TMEM170A: variants seen among roughly 807,000 people sequenced by gnomAD.
TMEM170A encodes the protein transmembrane protein 170A.
Under a neutral mutation model 12.8 loss-of-function variants are expected in TMEM170A, and 18 were observed. The ratio of observed to expected loss-of-function variants is 1.41; its 90% confidence interval spans 0.97 to 2.09. The LOEUF is 2.09. TMEM170A is among the 30% of genes most tolerant of loss of function. The pLI, the probability that TMEM170A is intolerant of heterozygous loss-of-function variation, is 0.00. For synonymous variants in TMEM170A, 107 were observed against 76.2 expected (o/e 1.40, Z -2.11); for missense variants, 220 against 179.9 (o/e 1.22, Z -1.28).
Position 75,451,758 on chromosome 16 carries a change from G to A in TMEM170A, c.215C>T (p.Thr72Ile), listed in dbSNP as rs771745525. 30 of 1,613,996 alleles carry A rather than the reference G, an allele frequency of 1.9e-5. No individual in the cohort carries two copies. The highest frequency in any genetic ancestry group is 4.0e-5 in the African/African-American group (3 of 74,906). ...HVPAGLLALFTLRHHKYGRFM... is the reference protein window; with the variant it reads ...HVPAGLLALFILRHHKYGRFM... ...CCTACCATATTTGTGATGTCTGAGG[G>A]TGAAGAGGGCCAGTAATCCAGCAGG... is the stretch of plus-strand genomic sequence containing the variant. The change falls in exon 2 of 3, where the codon ACC becomes ATC. Residue 72 changes from threonine (T) to isoleucine (I), a missense_variant. By Grantham distance (89) the Thr-to-Ile change is moderately conservative. Coordinates refer to ENST00000561878, the MANE Select transcript of TMEM170A (RefSeq NM_145254.3).
intron 1 of TMEM170A, chr16:75,459,001 A>C (rs11149836): frequency 0.76 from 115,791 of 151,956 alleles, 44,826 homozygotes; most frequent in Middle Eastern, 0.84. Flanking sequence ...TCAAGCAATT[A>C]TTCTGCCTCA....
Position 75,451,711 on chromosome 16 carries a change from A to G in TMEM170A, c.262T>C (p.Leu88=). Residue 88 remains leucine, a synonymous_variant, in exon 2 of 3, where the codon TTG becomes CTG. Transcript: ENST00000561878. ...GTAATTGGTCCCACGATGCCCATCA[A>G]CAGGATGCTTACAGACATGAACCTA... ...YGRFMSVSIL[L]MGIVGPITAG... 2 of 1,614,212 alleles carry G rather than the reference A, an allele frequency of 1.2e-6. No individual in the cohort carries two copies. The highest frequency in any genetic ancestry group is 2.2e-5 in the South Asian group (2 of 91,086).
chr16:75,443,321 T>C lies in TMEM170A; in HGVS notation c.*4237A>G, dbSNP rs913627075. The C allele has an allele frequency of 2.0e-5, 3 of 152,230 alleles. No homozygotes were observed. 9.4% of individuals were successfully genotyped at this position (152,230 alleles called of 1,614,324 possible). Reference sequence around the variant, plus strand: ...TAGAAAAATAAAATTTAAATAATTTTCTATTGTACAAAGATTTGATCATTT... The same window carrying C: ...TAGAAAAATAAAATTTAAATAATTTCCTATTGTACAAAGATTTGATCATTT... On this transcript the variant is annotated 3_prime_UTR_variant, in exon 3 of 3. Transcript: ENST00000561878.
intron 1 of TMEM170A, among the ~76,000 whole-genome samples, chr16:75,457,701 C>G (rs1349058142): frequency 6.6e-6 from 1 of 152,196 alleles, no homozygotes; most frequent in Non-Finnish European, 1.5e-5. Flanking sequence ...GTCACCAACC[C>G]ACATCTCAAT....
At chr16:75,464,136 G>A in intron 1 of TMEM170A, 1 of 1,311,556 alleles carries the variant, frequency 7.6e-7, no homozygotes. Context: ...CAGCCTCCCG[G>A]GCTCGTGGGG....
At chr16:75,461,332 G>T (rs940009173) in intron 1 of TMEM170A, among the ~76,000 whole-genome samples, 1 of 152,164 alleles carries the variant, frequency 6.6e-6, no homozygotes, top group Non-Finnish European at 1.5e-5. Flanking sequence ...GGGATTACAG[G>T]CGTGAGCCAC....
chr16:75,457,028 T>A lies in TMEM170A; in HGVS notation c.134-5189A>T, dbSNP rs180734127. Reference sequence around the variant, plus strand: ...TATGATGGCATCAGGAATTCACTGGTCCAAAGTGGACAAATGGGATGCAAA... The same window carrying A: ...TATGATGGCATCAGGAATTCACTGGACCAAAGTGGACAAATGGGATGCAAA... On this transcript the variant is annotated intron_variant, in intron 1 of 2. Coordinates refer to ENST00000561878, the MANE Select transcript of TMEM170A (RefSeq NM_145254.3). 6.6e-3 allele frequency among the ~76,000 whole-genome samples: 1,003 copies of A among 152,310 alleles called. 11 individuals are homozygous for A. The highest frequency in any genetic ancestry group is 0.017 in the Middle Eastern group (5 of 294).
intron 1 of TMEM170A, among the ~76,000 whole-genome samples, chr16:75,456,617 T>C (rs2079802572): frequency 6.6e-6 from 1 of 152,194 alleles, no homozygotes; most frequent in Non-Finnish European, 1.5e-5. Context: ...GCAGTTTCTC[T>C]TCTAGCCGCC....
At chr16:75,459,564 T>A (rs1023251280) in intron 1 of TMEM170A, among the ~76,000 whole-genome samples, 4 of 152,042 alleles carry the variant, frequency 2.6e-5, no homozygotes, top group African/African-American at 9.7e-5. Context: ...TTAACACTCT[T>A]ATGTAGTCTT....
intron 1 of TMEM170A, among the ~76,000 whole-genome samples, chr16:75,462,514 TCA>T (rs1392245829): frequency 6.6e-6 from 1 of 152,258 alleles, no homozygotes; most frequent in Non-Finnish European, 1.5e-5. Context: ...AGGCTGACAT[TCA>T]GTGTCTCTTG....
chr16:75,453,534 G>C (rs539748409), intron 1 of TMEM170A, among the ~76,000 whole-genome samples: 107 of 152,344 alleles, frequency 7.0e-4, no homozygotes, highest in African/African-American at 2.0e-3. Flanking sequence ...ATCAATGCCT[G>C]TTGATCTTTC....
chr16:75,464,206 C>T, intron 1 of TMEM170A: 2 of 1,506,012 alleles, frequency 1.3e-6, no homozygotes, highest in Non-Finnish European at 1.8e-6. Flanking sequence ...GGGTGGCGGC[C>T]GAGCGCCCTC....
At chr16:75,453,300 A>G (rs1056681907) in intron 1 of TMEM170A, among the ~76,000 whole-genome samples, 4 of 152,108 alleles carry the variant, frequency 2.6e-5, no homozygotes, top group Admixed American at 2.6e-4. Context: ...CTGGCATGGT[A>G]TTGCATACCT....
In TMEM170A at chr16:75,443,610, A is replaced by T. The variant is rs2079535302; in HGVS notation, c.*3948T>A. 6.6e-6 allele frequency: 1 copy of T among 152,052 alleles called. No individual in the cohort carries two copies. Among genetic ancestry groups the T allele is most frequent in the Non-Finnish European group, 1.5e-5 (1 of 68,008 alleles). The allele number at this position is 152,052 out of a possible 1,614,324, so 9.4% of individuals were successfully genotyped here. A position where few individuals can be genotyped will look rare whatever the true frequency, so the allele number is the denominator to read the frequency against. ...AAGCCAAAATACAATTTAAAATCTT[A>T]AAAAAAATAAGGAACGGTTTAAAGG... On this transcript the variant is annotated 3_prime_UTR_variant, in exon 3 of 3. Coordinates refer to ENST00000561878, the MANE Select transcript of TMEM170A (RefSeq NM_145254.3).
Position 75,447,484 on chromosome 16 carries a change from A to C in TMEM170A, c.*74T>G. On this transcript the variant is annotated 3_prime_UTR_variant, in exon 3 of 3. Coordinates refer to ENST00000561878, the MANE Select transcript of TMEM170A (RefSeq NM_145254.3). ...CTTCCCTTTGAAGAACTAAGAAAAC[A>C]CTACACTCCATAATGTATTCTTTTG... The C allele has an allele frequency of 1.3e-6, 2 of 1,486,684 alleles. No individual in the cohort carries two copies. Among genetic ancestry groups the C allele is most frequent in the Non-Finnish European group, 1.8e-6 (2 of 1,116,062 alleles). The allele number at this position is 1,486,684 out of a possible 1,614,324, so 92.1% of individuals were successfully genotyped here.
intron 1 of TMEM170A, among the ~76,000 whole-genome samples, chr16:75,461,242 T>C (rs988893075): frequency 6.7e-6 from 1 of 149,012 alleles, no homozygotes; most frequent in Non-Finnish European, 1.5e-5. Context: ...TTAGTAGAGA[T>C]GGGGTGTCAC....
intron 1 of TMEM170A, chr16:75,458,863 T>C (rs1473852115): frequency 1.3e-5 from 2 of 152,202 alleles, no homozygotes; most frequent in African/African-American, 4.8e-5. Flanking sequence ...ATTTGAGGAT[T>C]TCCTTGAGGA....
chr16:75,447,780 G>A, intron 2 of TMEM170A, 92 bp from the exon 3 acceptor site: 2 of 1,350,234 alleles, frequency 1.5e-6, no homozygotes, highest in Non-Finnish European at 2.0e-6. Context: ...ACTGCGAGTA[G>A]AATGTTCCAG....
In TMEM170A at chr16:75,447,443, C is replaced by T; in HGVS notation, c.*115G>A. 6 of 1,180,214 alleles carry T rather than the reference C, an allele frequency of 5.1e-6. No homozygotes were observed. The highest frequency in any genetic ancestry group is 6.8e-6 in the Non-Finnish European group (6 of 884,132). The allele number at this position is 1,180,214 out of a possible 1,614,324, so 73.1% of individuals were successfully genotyped here. A position where few individuals can be genotyped will look rare whatever the true frequency, so the allele number is the denominator to read the frequency against. ...CTGAGATGTGTTGTCCTTCATGTTC[C>T]TGTTCATCCAAGTTGCTTCCCTTTG... On this transcript the variant is annotated 3_prime_UTR_variant, in exon 3 of 3. Coordinates refer to ENST00000561878, the MANE Select transcript of TMEM170A (RefSeq NM_145254.3).
Sources: allele counts gnomAD v4.1 joint callset (sites outside exome capture counted in the v4.1 genomes callset), GRCh38; gene constraint gnomAD v4.1.1; transcripts MANE v1.5; gene names NCBI Gene and HGNC (gene_info 2026-07-23, HGNC 2026-07-21).